Variants in CSE1L observed in about 807,000 individuals in gnomAD.
CSE1L encodes the protein chromosome segregation 1 like.
In CSE1L, 24 loss-of-function variants were observed where a neutral mutation model predicts 120.4. The ratio of observed to expected loss-of-function variants is 0.20; its 90% CI spans 0.14 to 0.28. The LOEUF is 0.28. CSE1L is among the 10% of genes least tolerant of loss of function. The probability of loss-of-function intolerance (pLI) is 1.00; values close to 1 mark genes in which losing one functional copy is unlikely to be tolerated. For missense variants in CSE1L, 830 were observed against 1,145.2 expected, an observed-to-expected ratio of 0.72 and a Z score of 3.97; for synonymous variants, 402 against 398.3, an observed-to-expected ratio of 1.01 and a Z score of -0.11.
intron 1 of CSE1L, among the ~76,000 whole-genome samples, chr20:49,056,464 T>A (rs1248624890): frequency 1.3e-5 from 2 of 152,216 alleles, no homozygotes; most frequent in Non-Finnish European, 2.9e-5. Flanking sequence ...TTAAGTGAAC[T>A]GTTTGGGAAA....
chr20:49,047,899 C>G (rs1381470626), intron 1 of CSE1L, among the ~76,000 whole-genome samples: 2 of 152,080 alleles, frequency 1.3e-5, no homozygotes, highest in Non-Finnish European at 2.9e-5. Flanking sequence ...TTATTGCTTA[C>G]TTGTTATCTT....
chr20:49,085,453 A>G (rs1265793625), intron 16 of CSE1L, 67 bp downstream of exon 16: 49 of 1,080,888 alleles, frequency 4.5e-5, no homozygotes, highest in Non-Finnish European at 6.6e-5. Flanking sequence ...GAGCACTCTG[A>G]GTTATACTTC....
chr20:49,063,305 A>G lies in CSE1L; in HGVS notation c.189A>G (p.Ser63=), dbSNP rs764757989. 7 of 1,541,330 alleles carry G rather than the reference A, an allele frequency of 4.5e-6. No homozygotes were observed. The South Asian group carries it at 6.1e-5, about 13-fold the overall frequency. Residue 63 remains serine (S), a synonymous_variant, in exon 3 of 25, where the codon TCA becomes TCG. Coordinates refer to ENST00000262982, the MANE Select transcript of CSE1L (RefSeq NM_001316.4). ...ATAATGTTATCAAAGTATGTGCTTC[A>G]GTAACATTCAAAAACTATATTAAAA... ...SQDNVIKVCA[S]VTFKNYIKRN...
At chr20:49,085,074 T>C (rs2092044451) in intron 15 of CSE1L, among the ~76,000 whole-genome samples, 1 of 152,174 alleles carries the variant, frequency 6.6e-6, no homozygotes. Context: ...GCTTTTTGGT[T>C]CAGTTGTGTT....
At chr20:49,061,449 G>T in intron 2 of CSE1L, among the ~76,000 whole-genome samples, 1 of 151,034 alleles carries the variant, frequency 6.6e-6, no homozygotes. Context: ...TGGGATTACA[G>T]GCATGAGCCA....
chr20:49,075,631 T>C, intron 12 of CSE1L, 111 bp downstream of exon 12: 1 of 837,090 alleles, frequency 1.2e-6, no homozygotes, highest in South Asian at 1.7e-5. Flanking sequence ...AGATAACCTA[T>C]TCTGATTAAG....
intron 11 of CSE1L, 70 bp from the exon 12 acceptor site, chr20:49,075,248 C>G (rs899528283): frequency 1.6e-6 from 2 of 1,268,296 alleles, no homozygotes; most frequent in African/African-American, 1.5e-5. Flanking sequence ...AATTTGTTTT[C>G]TTATAAATTG....
intron 1 of CSE1L, among the ~76,000 whole-genome samples, chr20:49,047,577 T>TTC (rs774291562): frequency 5.5e-5 from 6 of 109,976 alleles, no homozygotes; most frequent in Non-Finnish European, 9.4e-5. Flanking sequence ...TTTTTTTTTT[T>TTC]TTTTTTTTTT....
rs534433737 is a variant in CSE1L at position 49,093,298 on chromosome 20, T to C, written c.2448-842T>C. Reference sequence around the variant, plus strand: ...CAGAGCATTAGAATTGCCATACCCTTTGAGCCATATTTCCACTTCAAAGAA... The same window carrying C: ...CAGAGCATTAGAATTGCCATACCCTCTGAGCCATATTTCCACTTCAAAGAA... On this transcript the variant is annotated intron_variant, in intron 22 of 24. Transcript: ENST00000262982. 2.0e-5 allele frequency among the ~76,000 whole-genome samples: 3 copies of C among 152,194 alleles called. No individual in the cohort carries two copies. In the South Asian group the frequency reaches 6.2e-4, roughly 32 times the overall value.
chr20:49,074,996 T>G (rs1254239791), intron 11 of CSE1L, 146 bp downstream of exon 11: 2 of 623,652 alleles, frequency 3.2e-6, no homozygotes. Context: ...TTCTTCAACT[T>G]GTCTTAAAAA....
chr20:49,093,581 C>T (rs79228345), intron 22 of CSE1L, among the ~76,000 whole-genome samples: 2,369 of 86,210 alleles, frequency 0.027, 4 homozygotes, highest in South Asian at 0.042. Flanking sequence ...TTTTTTTTTT[C>T]TTTTTTTTTT....
intron 24 of CSE1L, 200 bp from the exon 25 acceptor site, chr20:49,096,149 G>A (rs887712378): frequency 1.4e-6 from 1 of 699,604 alleles, no homozygotes; most frequent in African/African-American, 1.8e-5. Context: ...CCTAATAATA[G>A]TAATTCCTTA....
chr20:49,085,506 A>G (rs2092048405), intron 16 of CSE1L, 120 bp downstream of exon 16: 4 of 489,044 alleles, frequency 8.2e-6, no homozygotes, highest in East Asian at 7.4e-5. Context: ...ACCAAGTAGT[A>G]AGTTAGTTTA....
intron 14 of CSE1L, among the ~76,000 whole-genome samples, chr20:49,081,530 G>T (rs1002178378): frequency 1.3e-5 from 2 of 152,182 alleles, no homozygotes; most frequent in African/African-American, 4.8e-5. Context: ...TTGGAATTTT[G>T]CCAATCTTAA....
rs569584634 is a variant in CSE1L at position 49,063,640 on chromosome 20, T to C, written c.228+296T>C. On this transcript the variant is annotated intron_variant, in intron 3 of 24. Transcript: ENST00000262982. ...GCTTCTGTTATTTCATTTGAATTTA[T>C]ATAAATTTGTCCAGCTTCATACCTC... Among the ~76,000 whole-genome samples, 8 of 152,352 alleles carry C rather than the reference T, an allele frequency of 5.3e-5. No individual in the cohort carries two copies. In the Middle Eastern group the frequency reaches 0.01, roughly 194 times the overall value.
chr20:49,096,225 A>G, intron 24 of CSE1L, 124 bp from the exon 25 acceptor site: 1 of 774,546 alleles, frequency 1.3e-6, no homozygotes, highest in Non-Finnish European at 2.3e-6. Context: ...GAATTTTTGG[A>G]TGGTGATTAA....
chr20:49,092,019 C>A, intron 21 of CSE1L, 27 bp from the exon 22 acceptor site: 1 of 1,272,950 alleles, frequency 7.9e-7, no homozygotes, highest in South Asian at 1.3e-5. Flanking sequence ...GTTCTCTATG[C>A]TGATATTCTG....
At chr20:49,067,561 T>A (rs1266471448) in intron 6 of CSE1L, among the ~76,000 whole-genome samples, 1 of 152,144 alleles carries the variant, frequency 6.6e-6, no homozygotes, top group Non-Finnish European at 1.5e-5. Context: ...ACCCAAGTAT[T>A]TTAAAGTATG....
At chr20:49,078,982 C>T (rs977129606) in intron 14 of CSE1L, among the ~76,000 whole-genome samples, 70 of 151,694 alleles carry the variant, frequency 4.6e-4, no homozygotes, top group African/African-American at 1.6e-3. Context: ...ACCTCTACCT[C>T]CTGGGTTCAC....
Sources: gnomAD v4.1 joint callset for allele counts (sites outside exome capture counted in the v4.1 genomes callset) on GRCh38, gnomAD v4.1.1 for gene constraint, MANE v1.5 for transcripts, NCBI Gene and HGNC (gene_info 2026-07-23, HGNC 2026-07-21) for gene names.